The following CEP192 variants were observed in gnomAD, a reference collection of about 807,000 sequenced individuals.
CEP192 encodes the protein centrosomal protein 192, also known as centrosomal protein of 192 kDa.
Under a neutral mutation model 271.8 loss-of-function variants are expected in CEP192, and 151 were observed. That is an observed-to-expected ratio of 0.56 (90% CI 0.49 to 0.64). CEP192 has a LOEUF of 0.64. CEP192 is among the 30% of genes least tolerant of loss of function. CEP192 has a pLI of 0.00. For missense variants in CEP192, 2,910 were observed against 3,020.5 expected (o/e 0.96, Z 0.86); for synonymous variants, 995 against 1,076.5 (o/e 0.92, Z 1.48).
chr18:13,041,803 T>G (rs1330940404), intron 14 of CEP192, among the ~76,000 whole-genome samples: 1 of 152,130 alleles, frequency 6.6e-6, no homozygotes, highest in Non-Finnish European at 1.5e-5. Flanking sequence ...TGACCTCAAG[T>G]GATCCGCCCA....
chr18:13,017,332 G>C lies in CEP192; in HGVS notation c.785G>C (p.Arg262Thr). 6.5e-7 allele frequency: 1 copy of C among 1,537,324 alleles called. No homozygotes were observed. Among genetic ancestry groups the C allele is most frequent in the Non-Finnish European group, 8.8e-7 (1 of 1,142,798 alleles). ...KGFKLPTNGL[R>T]QANENGSLNC... ...TTTAAGTTACCTACAAATGGTCTTAGACAGGTGTGTTCCAGTCTTTATGAT... is the reference window on the plus strand; with the variant it reads ...TTTAAGTTACCTACAAATGGTCTTACACAGGTGTGTTCCAGTCTTTATGAT... Residue 262 changes from arginine to threonine, a missense_variant, in exon 7 of 45, where the codon AGA (arginine) becomes ACA (threonine). Transcript: ENST00000506447.
intron 3 of CEP192, among the ~76,000 whole-genome samples, chr18:13,002,387 A>G (rs188313429): frequency 6.6e-6 from 1 of 152,326 alleles, no homozygotes; most frequent in East Asian, 1.9e-4. Context: ...AATCTGTGTC[A>G]TAATGTTAAT....
chr18:13,112,005 A>G (rs924307455), intron 40 of CEP192, among the ~76,000 whole-genome samples: 1 of 152,232 alleles, frequency 6.6e-6, no homozygotes, highest in African/African-American at 2.4e-5. Context: ...GGGAAATTGG[A>G]ACCCTGATGC....
intron 33 of CEP192, among the ~76,000 whole-genome samples, chr18:13,090,230 C>G (rs1040784181): frequency 2.0e-5 from 3 of 152,130 alleles, no homozygotes; most frequent in Admixed American, 2.0e-4. Flanking sequence ...CCTTAATGCC[C>G]AAGAATAGGG....
At chr18:13,013,888 G>A (rs1020731102) in intron 5 of CEP192, among the ~76,000 whole-genome samples, 3 of 152,164 alleles carry the variant, frequency 2.0e-5, no homozygotes, top group African/African-American at 7.2e-5. Context: ...ATGCAAAAGG[G>A]TCTAAAGTAA....
chr18:13,123,587 G>A (rs1490815603), intron 44 of CEP192, among the ~76,000 whole-genome samples: 2 of 152,116 alleles, frequency 1.3e-5, no homozygotes, highest in African/African-American at 2.4e-5. Flanking sequence ...ACGAGACTAA[G>A]GGGTGAAGTA....
intron 17 of CEP192, among the ~76,000 whole-genome samples, chr18:13,050,575 C>CT (rs1216786402): frequency 1.2e-3 from 168 of 144,392 alleles, no homozygotes; most frequent in African/African-American, 1.8e-3. Flanking sequence ...TAGTTAATTG[C>CT]TTTTTTTTTT....
At chr18:13,111,347 G>T (rs933678022) in intron 40 of CEP192, among the ~76,000 whole-genome samples, 1 of 152,076 alleles carries the variant, frequency 6.6e-6, no homozygotes, top group East Asian at 1.9e-4. Context: ...GGATGGTCTC[G>T]ATCTCCTGAC....
At chr18:13,108,561 A>G (rs1598625775) in intron 40 of CEP192, among the ~76,000 whole-genome samples, 1 of 152,238 alleles carries the variant, frequency 6.6e-6, no homozygotes, top group African/African-American at 2.4e-5. Flanking sequence ...AATGCTCCAC[A>G]TCATTAATCA....
At chr18:13,106,334 A>C (rs2039943890) in intron 40 of CEP192, among the ~76,000 whole-genome samples, 1 of 151,706 alleles carries the variant, frequency 6.6e-6, no homozygotes, top group Non-Finnish European at 1.5e-5. Context: ...AACTACCATC[A>C]TCTTCTGCAC....
At chr18:13,099,066 G>C (rs1434667937) in intron 36 of CEP192, among the ~76,000 whole-genome samples, 1 of 151,966 alleles carries the variant, frequency 6.6e-6, no homozygotes, top group East Asian at 1.9e-4. Flanking sequence ...TGCAATCGCA[G>C]GCACTCGGCA....
At chr18:13,086,964 T>G (rs982096826) in intron 30 of CEP192, 53 bp from the exon 31 acceptor site, 2 of 1,296,744 alleles carry the variant, frequency 1.5e-6, no homozygotes, top group Non-Finnish European at 1.1e-6. Context: ...TAATTCAGTG[T>G]TTCGCTTTCT....
chr18:13,063,127 C>G (rs112307326), intron 21 of CEP192, among the ~76,000 whole-genome samples: 20,478 of 152,226 alleles, frequency 0.13, 1,537 homozygotes, highest in East Asian at 0.31. Flanking sequence ...CCATTCATCT[C>G]TTGATGAACA....
chr18:13,067,026 A>G (rs2037745095), intron 21 of CEP192, among the ~76,000 whole-genome samples: 2 of 148,532 alleles, frequency 1.3e-5, no homozygotes, highest in African/African-American at 2.5e-5. Flanking sequence ...TGTCTTCTGT[A>G]TCTGTGGATT....
At chr18:13,071,944 C>A (rs2038035581) in intron 28 of CEP192, among the ~76,000 whole-genome samples, 1 of 152,146 alleles carries the variant, frequency 6.6e-6, no homozygotes, top group South Asian at 2.1e-4. Flanking sequence ...AAATGATAAC[C>A]ACAGTGCTTT....
Position 13,068,392 on chromosome 18 carries a change from CA to C in CEP192, c.4793del (p.His1598LeufsTer39). ...ATTTCTGATGATTTGGGTTCTTTTC[CA>C]TAGTCCAAAGAAACAGATCAGCTCT... ...PEFLMIWVLF[H>X]SPKKQISSSD... On this transcript the variant is annotated frameshift_variant, in exon 24 of 45. Coordinates refer to ENST00000506447, the MANE Select transcript of CEP192 (RefSeq NM_032142.4). LOFTEE classifies it high-confidence loss of function. 1 of 1,612,590 alleles carries C rather than the reference CA, an allele frequency of 6.2e-7. No homozygotes were observed. The highest frequency in any genetic ancestry group is 8.5e-7 in the Non-Finnish European group (1 of 1,179,282).
intron 13 of CEP192, 114 bp downstream of exon 13, chr18:13,038,693 T>TA: frequency 2.5e-6 from 2 of 805,102 alleles, no homozygotes; most frequent in East Asian, 5.4e-5. Context: ...AGAAGAGTGG[T>TA]AAAAAACTTA....
chr18:13,058,948 A>C, intron 20 of CEP192, 134 bp from the exon 21 acceptor site: 1 of 644,880 alleles, frequency 1.6e-6, no homozygotes. Flanking sequence ...CAAGGTTTTG[A>C]CATTTTTGAA....
In CEP192 at chr18:13,012,045, A is replaced by G. The variant is rs142313677; in HGVS notation, c.467-928A>G. ...ACATGCCAAGTGAGAGAAGAAAGACACAGAAGGCCACAAAATGTATGGTTC... is the reference window on the plus strand; with the variant it reads ...ACATGCCAAGTGAGAGAAGAAAGACGCAGAAGGCCACAAAATGTATGGTTC... On this transcript the variant is annotated intron_variant, in intron 4 of 44. Transcript: ENST00000506447. Among the ~76,000 whole-genome samples the G allele has an allele frequency of 8.8e-3, 1,338 of 152,350 alleles. 42 individuals are homozygous for G. The highest frequency in any genetic ancestry group is 0.053 in the Admixed American group (813 of 15,304).
Sources: gnomAD v4.1 joint callset for allele counts (sites outside exome capture counted in the v4.1 genomes callset) on GRCh38, gnomAD v4.1.1 for gene constraint, MANE v1.5 for transcripts, NCBI Gene and HGNC (gene_info 2026-07-23, HGNC 2026-07-21) for gene names.